Variants in PCNX1 observed in about 807,000 individuals in gnomAD.
The protein encoded by PCNX1 is pecanex-like protein 1.
PCNX1 carries 78 observed loss-of-function variants against 242.2 expected under a neutral mutation model. The ratio of observed to expected loss-of-function variants is 0.32; its 90% CI spans 0.27 to 0.39. PCNX1 has a LOEUF of 0.39. PCNX1 is among the 10% of genes least tolerant of loss of function. The probability of loss-of-function intolerance (pLI) is 1.00; values close to 1 mark genes in which losing one functional copy is unlikely to be tolerated. For synonymous variants in PCNX1, 1,024 were observed against 1,032.9 expected, an observed-to-expected ratio of 0.99 and a Z score of 0.17; for missense variants, 2,581 against 2,856.5, an observed-to-expected ratio of 0.90 and a Z score of 2.20.
intron 8 of PCNX1, among the ~76,000 whole-genome samples, chr14:71,002,567 C>T (rs754487153): frequency 4.0e-4 from 61 of 152,316 alleles, no homozygotes; most frequent in Admixed American, 1.1e-3. Context: ...TGCTTTCTAT[C>T]ATTATGATTT....
chr14:70,983,141 A>G (rs575043705), intron 6 of PCNX1, among the ~76,000 whole-genome samples: 1 of 152,340 alleles, frequency 6.6e-6, no homozygotes, highest in Non-Finnish European at 1.5e-5. Flanking sequence ...GCAAAATTGT[A>G]TCTAACGGGT....
At chr14:71,109,754 G>A (rs142446090) in intron 35 of PCNX1, 41 bp from the exon 36 acceptor site, 1 of 1,607,726 alleles carries the variant, frequency 6.2e-7, no homozygotes. Flanking sequence ...GTATATTCCA[G>A]GTCTCCAGTG....
At position 70,907,888 on chromosome 14, in the gene PCNX1, T is replaced by C; in HGVS notation, c.38T>C (p.Val13Ala). 1.3e-6 allele frequency: 2 copies of C among 1,559,982 alleles called. No individual in the cohort carries two copies. The highest frequency in any genetic ancestry group is 1.7e-6 in the Non-Finnish European group (2 of 1,156,906). Residue 13 changes from valine (V) to alanine (A), a missense_variant, in exon 1 of 36, where the codon GTG (valine) becomes GCG (alanine). Val to Ala is a moderately conservative substitution (Grantham distance 64, BLOSUM62 0). Transcript: ENST00000304743. ...ACGCTGCAGATCCTCCGACAGGGGGTGTGGGCCGCGCTCAGCGGGGGCTGG... is the reference window on the plus strand; with the variant it reads ...ACGCTGCAGATCCTCCGACAGGGGGCGTGGGCCGCGCTCAGCGGGGGCTGG... ...SQTLQILRQG[V>A]WAALSGGWYY...
intron 5 of PCNX1, 101 bp downstream of exon 5, chr14:70,969,211 A>G: frequency 1.4e-6 from 1 of 722,066 alleles, no homozygotes; most frequent in Non-Finnish European, 2.5e-6. Context: ...ATAACAATTT[A>G]ATATGATATT....
intron 8 of PCNX1, among the ~76,000 whole-genome samples, chr14:70,998,578 C>T (rs1456736572): frequency 6.6e-6 from 1 of 151,086 alleles, no homozygotes; most frequent in Non-Finnish European, 1.5e-5. Context: ...TGGTGAATCC[C>T]CATCTCTACT....
intron 1 of PCNX1, among the ~76,000 whole-genome samples, chr14:70,909,821 C>T (rs2055743049): frequency 6.6e-6 from 1 of 152,098 alleles, no homozygotes; most frequent in Non-Finnish European, 1.5e-5. Context: ...ATGGCAGTCC[C>T]ACTCTTCCCA....
At chr14:71,086,173 C>G (rs1323804314) in intron 28 of PCNX1, among the ~76,000 whole-genome samples, 1 of 152,208 alleles carries the variant, frequency 6.6e-6, no homozygotes, top group Non-Finnish European at 1.5e-5. Flanking sequence ...TGGGTCTTTT[C>G]TACAAATCTT....
intron 3 of PCNX1, among the ~76,000 whole-genome samples, chr14:70,962,629 A>G (rs541023082): frequency 1.3e-5 from 2 of 152,212 alleles, no homozygotes; most frequent in South Asian, 2.1e-4. Context: ...CATCATGTGT[A>G]TTAGAGAGGT....
At chr14:71,103,049 ATTCT>A (rs1300379580) in intron 31 of PCNX1, among the ~76,000 whole-genome samples, 1 of 152,218 alleles carries the variant, frequency 6.6e-6, no homozygotes, top group Non-Finnish European at 1.5e-5. Context: ...TGTCATAAAC[ATTCT>A]TTCAACCGTA....
At position 70,960,020 on chromosome 14, in the gene PCNX1, A is replaced by C. The variant is rs1337945957; in HGVS notation, c.363-2206A>C. On this transcript the variant is annotated intron_variant, in intron 2 of 35. Transcript: ENST00000304743. ...TTTTCATGTGTTTTTTGGCTGCATA[A>C]ATGTCTTCTTTTGAGAAGTGTCTGT... Among the ~76,000 whole-genome samples, 6 of 104,022 alleles carry C rather than the reference A, an allele frequency of 5.8e-5. 1 individual carries two copies. The highest frequency in any genetic ancestry group is 1.3e-4 in the Non-Finnish European group (6 of 46,692). 68.2% of individuals were successfully genotyped at this position (104,022 alleles called of 152,430 possible). A position where few individuals can be genotyped will look rare whatever the true frequency, so the allele number is the denominator to read the frequency against.
chr14:70,987,548 A>G (rs951241936), intron 6 of PCNX1, among the ~76,000 whole-genome samples: 1 of 152,194 alleles, frequency 6.6e-6, no homozygotes, highest in Non-Finnish European at 1.5e-5. Flanking sequence ...GTTTGGAAAG[A>G]ATGTTTCTGT....
intron 6 of PCNX1, among the ~76,000 whole-genome samples, chr14:70,984,913 T>A (rs535555802): frequency 6.6e-6 from 1 of 152,196 alleles, no homozygotes; most frequent in Non-Finnish European, 1.5e-5. Flanking sequence ...AAAAAATAAA[T>A]AGTTGCACTA....
At chr14:70,986,138 A>G (rs1166383215) in intron 6 of PCNX1, among the ~76,000 whole-genome samples, 1 of 152,236 alleles carries the variant, frequency 6.6e-6, no homozygotes, top group Non-Finnish European at 1.5e-5. Flanking sequence ...TAAGTAGCAC[A>G]TTCCCAGGGG....
chr14:71,076,000 A>G (rs1004020480), intron 27 of PCNX1, among the ~76,000 whole-genome samples, 189 bp from the exon 28 acceptor site: 1 of 152,046 alleles, frequency 6.6e-6, no homozygotes, highest in East Asian at 1.9e-4. Flanking sequence ...GGCCTGAGGT[A>G]TATTATTATA....
At chr14:70,943,185 A>G (rs1187232996) in intron 1 of PCNX1, among the ~76,000 whole-genome samples, 1 of 152,214 alleles carries the variant, frequency 6.6e-6, no homozygotes, top group Non-Finnish European at 1.5e-5. Context: ...GGCACTGCTG[A>G]AAAGATACCC....
intron 16 of PCNX1, chr14:71,031,960 C>T: frequency 7.4e-7 from 1 of 1,346,150 alleles, no homozygotes; most frequent in Non-Finnish European, 1.1e-6. Flanking sequence ...CTTCATGGCT[C>T]TTTCTAGGCA....
chr14:71,051,573 A>C (rs1262153518), intron 23 of PCNX1, among the ~76,000 whole-genome samples: 1 of 152,156 alleles, frequency 6.6e-6, no homozygotes, highest in East Asian at 1.9e-4. Context: ...TGCAAGTTTT[A>C]GTTTTACCCT....
At chr14:70,953,840 G>A (rs906165292) in intron 2 of PCNX1, among the ~76,000 whole-genome samples, 1 of 151,618 alleles carries the variant, frequency 6.6e-6, no homozygotes, top group Non-Finnish European at 1.5e-5. Flanking sequence ...GGCTAATTTT[G>A]TATTTTTAGT....
At chr14:70,955,964 T>C (rs2057977900) in intron 2 of PCNX1, among the ~76,000 whole-genome samples, 1 of 152,092 alleles carries the variant, frequency 6.6e-6, no homozygotes, top group Admixed American at 6.6e-5. Context: ...TGACCATTAG[T>C]TCTAAATCAT....
Sources: gnomAD v4.1 joint callset for allele counts (sites outside exome capture counted in the v4.1 genomes callset) on GRCh38, gnomAD v4.1.1 for gene constraint, MANE v1.5 for transcripts, NCBI Gene and HGNC (gene_info 2026-07-23, HGNC 2026-07-21) for gene names.